Variants in NKAIN2 observed in about 807,000 individuals in gnomAD.
NKAIN2 encodes the protein sodium/potassium-transporting ATPase subunit beta-1-interacting protein 2.
NKAIN2 carries 14 observed loss-of-function variants against 32.6 expected under a neutral mutation model. That is an observed-to-expected ratio of 0.43 (90% confidence interval 0.28 to 0.67). The LOEUF (loss-of-function observed/expected upper bound fraction) is 0.67. Among genes scored for constraint, NKAIN2 ranks in the 30% least tolerant of loss-of-function variants. The pLI is 0.17. For synonymous variants in NKAIN2, 80 were observed against 87.2 expected (o/e 0.92, Z 0.46); for missense variants, 198 against 258.3 (o/e 0.77, Z 1.60).
At chr6:124,478,689 AT>A (rs1777329577) in intron 3 of NKAIN2, among the ~76,000 whole-genome samples, 1 of 152,210 alleles carries the variant, frequency 6.6e-6, no homozygotes, top group African/African-American at 2.4e-5. Flanking sequence ...TAAGTAAATG[AT>A]TGAATACATG....
intron 1 of NKAIN2, among the ~76,000 whole-genome samples, chr6:124,003,271 A>C (rs1324917771): frequency 6.6e-6 from 1 of 152,222 alleles, no homozygotes; most frequent in Admixed American, 6.5e-5. Flanking sequence ...TTAGACACTT[A>C]CCATGTGCAT....
In NKAIN2 at chr6:124,743,155, G is replaced by GC. The variant is rs573389985; in HGVS notation, c.475-48180dup. On this transcript the variant is annotated intron_variant, in intron 4 of 6. Transcript: ENST00000368417. Reference sequence around the variant, plus strand: ...ATCACCTGGGACAAACTGTATCTCTGCCCCTCGCTTGCTGTGTGGTTTTGG... The same window carrying GC: ...ATCACCTGGGACAAACTGTATCTCTGCCCCCTCGCTTGCTGTGTGGTTTTGG... Among the ~76,000 whole-genome samples, 787 of 151,914 alleles carry GC rather than the reference G, an allele frequency of 5.2e-3. 12 individuals carry two copies. The highest frequency in any genetic ancestry group is 0.018 in the African/African-American group (753 of 41,490).
At chr6:124,805,757 T>C (rs1780519465) in intron 5 of NKAIN2, among the ~76,000 whole-genome samples, 1 of 152,088 alleles carries the variant, frequency 6.6e-6, no homozygotes. Context: ...TTTAGACGAA[T>C]GTATAACTAG....
In NKAIN2 at chr6:124,750,914, G is replaced by A. The variant is rs567383665; in HGVS notation, c.475-40425G>A. On this transcript the variant is annotated intron_variant, in intron 4 of 6. Coordinates refer to ENST00000368417, the MANE Select transcript of NKAIN2 (RefSeq NM_001040214.3). ...ACAAGGCTCTAAGAGATTTTATGGT[G>A]GAATCACACCATAAAATCTACCTAA... is the stretch of plus-strand genomic sequence containing the variant. Among the ~76,000 whole-genome samples the A allele has an allele frequency of 1.2e-4, 18 of 151,916 alleles. No homozygotes were observed. In the East Asian group the frequency reaches 3.3e-3, roughly 28 times the overall value.
Position 124,670,645 on chromosome 6 carries a change from CTGTGTGTGTGTGTG to C in NKAIN2, c.474+12281_474+12294del, listed in dbSNP as rs57300688. 1.4e-4 allele frequency among the ~76,000 whole-genome samples: 17 copies of C among 123,914 alleles called. No individual in the cohort carries two copies. In the East Asian group the frequency reaches 2.9e-3, roughly 21 times the overall value. The allele number at this position is 123,914 out of a possible 152,430, so 81.3% of individuals were successfully genotyped here. A position where few individuals can be genotyped will look rare whatever the true frequency, so the allele number is the denominator to read the frequency against. ...TTTACCTGAGATTAATCTTTGCTTT[CTGTGTGTGTGTGTG>C]TGTGTGTGTGTGTGTGTGTGTTGCA... On this transcript the variant is annotated intron_variant, in intron 4 of 6. Coordinates refer to ENST00000368417, the MANE Select transcript of NKAIN2 (RefSeq NM_001040214.3).
chr6:124,396,238 T>C (rs1773372467), intron 3 of NKAIN2, among the ~76,000 whole-genome samples: 1 of 151,768 alleles, frequency 6.6e-6, no homozygotes, highest in Non-Finnish European at 1.5e-5. Context: ...CAAGATTTAA[T>C]AATATTTAAT....
intron 1 of NKAIN2, among the ~76,000 whole-genome samples, chr6:123,883,630 A>G (rs1386965082): frequency 4.8e-5 from 7 of 145,642 alleles, no homozygotes; most frequent in Non-Finnish European, 9.0e-5. Context: ...TAGCCAATTA[A>G]ACCTCTTTTT....
At chr6:124,109,083 T>G (rs950869792) in intron 1 of NKAIN2, among the ~76,000 whole-genome samples, 2 of 152,024 alleles carry the variant, frequency 1.3e-5, no homozygotes, top group African/African-American at 2.4e-5. Context: ...ATTTCCTATT[T>G]CTGTAAATTA....
chr6:123,830,999 G>GTA (rs1364430375), intron 1 of NKAIN2, among the ~76,000 whole-genome samples: 3 of 152,200 alleles, frequency 2.0e-5, no homozygotes, highest in Non-Finnish European at 4.4e-5. Context: ...ATCGGCTTTT[G>GTA]TAAGTTGCAT....
chr6:124,705,097 G>T (rs1056779568), intron 4 of NKAIN2, among the ~76,000 whole-genome samples: 1 of 151,992 alleles, frequency 6.6e-6, no homozygotes, highest in African/African-American at 2.4e-5. Context: ...AAAGAAACTA[G>T]ATGCTTCCAA....
intron 4 of NKAIN2, among the ~76,000 whole-genome samples, chr6:124,788,345 T>G (rs1165312160): frequency 1.3e-5 from 2 of 152,040 alleles, no homozygotes; most frequent in Non-Finnish European, 2.9e-5. Context: ...TGACTAGAAA[T>G]CTGCTTTAGT....
At chr6:123,948,324 A>G (rs1777162703) in intron 1 of NKAIN2, among the ~76,000 whole-genome samples, 1 of 152,050 alleles carries the variant, frequency 6.6e-6, no homozygotes, top group South Asian at 2.1e-4. Flanking sequence ...TTCTATTTTT[A>G]GCTTTTTGAG....
chr6:124,616,671 A>T (rs920029624), intron 3 of NKAIN2, among the ~76,000 whole-genome samples: 1 of 151,240 alleles, frequency 6.6e-6, no homozygotes, highest in Non-Finnish European at 1.5e-5. Flanking sequence ...TCACCCTGTT[A>T]GCCAGGATGG....
chr6:124,448,742 G>A (rs1775989790), intron 3 of NKAIN2, among the ~76,000 whole-genome samples: 2 of 152,124 alleles, frequency 1.3e-5, no homozygotes, highest in East Asian at 1.9e-4. Flanking sequence ...CTGGGAACAG[G>A]AATGGAGCTT....
chr6:124,387,539 A>G (rs1394000016), intron 3 of NKAIN2, among the ~76,000 whole-genome samples: 1 of 152,122 alleles, frequency 6.6e-6, no homozygotes, highest in African/African-American at 2.4e-5. Flanking sequence ...GTGAAGCTTG[A>G]AATGACAAAA....
intron 3 of NKAIN2, among the ~76,000 whole-genome samples, chr6:124,579,342 A>G (rs1014926910): frequency 6.6e-6 from 1 of 152,256 alleles, no homozygotes; most frequent in Non-Finnish European, 1.5e-5. Flanking sequence ...GAGGAAACTC[A>G]GTGAAATGCA....
intron 4 of NKAIN2, among the ~76,000 whole-genome samples, chr6:124,726,270 A>G (rs1220655017): frequency 1.4e-5 from 2 of 147,564 alleles, no homozygotes; most frequent in East Asian, 2.0e-4. Context: ...CAGACAAACA[A>G]AAAGACAGCA....
chr6:124,351,688 C>A (rs1245137654), intron 2 of NKAIN2, among the ~76,000 whole-genome samples: 1 of 151,970 alleles, frequency 6.6e-6, no homozygotes, highest in African/African-American at 2.4e-5. Flanking sequence ...GTGGTGCGAT[C>A]TTGGCTCACT....
At chr6:124,212,751 G>C (rs1346266367) in intron 1 of NKAIN2, among the ~76,000 whole-genome samples, 2 of 151,914 alleles carry the variant, frequency 1.3e-5, no homozygotes, top group Non-Finnish European at 2.9e-5. Context: ...GAGAGGCATT[G>C]GTCCATATAG....
Sources: gnomAD v4.1 joint callset for allele counts (sites outside exome capture counted in the v4.1 genomes callset) on GRCh38, gnomAD v4.1.1 for gene constraint, MANE v1.5 for transcripts, NCBI Gene and HGNC (gene_info 2026-07-23, HGNC 2026-07-21) for gene names.